The following TBCA variants were observed in gnomAD, a reference collection of about 807,000 sequenced individuals.
The protein encoded by TBCA is tubulin folding cofactor A, also known as tubulin-specific chaperone A.
Under a neutral mutation model 15.8 loss-of-function variants are expected in TBCA, and 6 were observed. That is an observed-to-expected ratio of 0.38 (90% CI 0.21 to 0.75). TBCA has a LOEUF of 0.75. TBCA is among the 30% of genes least tolerant of loss of function. The probability of loss-of-function intolerance (pLI) is 0.46; values close to 1 mark genes in which losing one functional copy is unlikely to be tolerated. For synonymous variants in TBCA, 32 were observed against 42.3 expected, an observed-to-expected ratio of 0.76 and a Z score of 0.94; for missense variants, 90 against 131.2, an observed-to-expected ratio of 0.69 and a Z score of 1.53.
intron 1 of TBCA, among the ~76,000 whole-genome samples, chr5:77,763,047 T>A (rs1341597806): frequency 6.6e-6 from 1 of 152,052 alleles, no homozygotes; most frequent in African/African-American, 2.4e-5. Context: ...ATAGAGACCA[T>A]CCTGGATAAC....
chr5:77,692,521 G>A (rs1237731885), intron 3 of TBCA: 8 of 949,828 alleles, frequency 8.4e-6, no homozygotes, highest in Admixed American at 6.2e-5. Flanking sequence ...CTCCTGACTC[G>A]TGATCCACCC....
chr5:77,776,239 T>C lies in TBCA; in HGVS notation c.19A>G (p.Arg7Gly). 3 of 1,579,254 alleles carry C rather than the reference T, an allele frequency of 1.9e-6. No homozygotes were observed. The highest frequency in any genetic ancestry group is 2.6e-6 in the Non-Finnish European group (3 of 1,163,538). ...ACGCCGGTCTTGATCTTGATCTGTC[T>C]CACGCGAGGATCGGCCATGGTCCCT... The part of the protein sequence containing the change: MADPRV[R>G]QIKIKTGVVK... The change falls in exon 1 of 4, where the codon AGA (arginine) becomes GGA (glycine). Residue 7 changes from arginine (R) to glycine (G), a missense_variant. By Grantham distance (125) the Arg-to-Gly change is moderately radical. Coordinates refer to ENST00000380377, the MANE Select transcript of TBCA (RefSeq NM_004607.3).
chr5:77,732,752 G>A (rs1746803710), intron 1 of TBCA, among the ~76,000 whole-genome samples: 1 of 151,888 alleles, frequency 6.6e-6, no homozygotes, highest in Non-Finnish European at 1.5e-5. Flanking sequence ...TGTTACTATT[G>A]TTAATTGTTT....
chr5:77,775,573 A>C (rs1267239138), intron 1 of TBCA, among the ~76,000 whole-genome samples: 1 of 152,240 alleles, frequency 6.6e-6, no homozygotes, highest in African/African-American at 2.4e-5. Context: ...TCTGGTTCAC[A>C]AGTTATTTAA....
chr5:77,700,046 A>G (rs898415681), intron 2 of TBCA, among the ~76,000 whole-genome samples: 13 of 146,078 alleles, frequency 8.9e-5, no homozygotes, highest in African/African-American at 3.0e-4. Context: ...AAAAAAAAAA[A>G]AAAAGAAAAT....
At chr5:77,726,536 TA>T (rs1319928337) in intron 1 of TBCA, among the ~76,000 whole-genome samples, 1 of 152,116 alleles carries the variant, frequency 6.6e-6, no homozygotes, top group African/African-American at 2.4e-5. Context: ...AAACCTCTAT[TA>T]AAAAAATACT....
intron 1 of TBCA, among the ~76,000 whole-genome samples, chr5:77,745,940 G>A (rs1747175067): frequency 6.6e-6 from 1 of 152,202 alleles, no homozygotes; most frequent in Admixed American, 6.5e-5. Flanking sequence ...AATTAAAAGT[G>A]TAAGAAAGAT....
chr5:77,733,329 G>T (rs926200810), intron 1 of TBCA, among the ~76,000 whole-genome samples: 1 of 152,220 alleles, frequency 6.6e-6, no homozygotes, highest in Admixed American at 6.5e-5. Flanking sequence ...GGAAAGGCAT[G>T]TGGAAAGCCA....
chr5:77,734,738 G>A (rs747717612), intron 1 of TBCA, among the ~76,000 whole-genome samples: 11 of 152,184 alleles, frequency 7.2e-5, no homozygotes, highest in African/African-American at 2.4e-4. Context: ...GAAGTTCTAC[G>A]TGAGTAAAAG....
In TBCA at chr5:77,711,972, GA is replaced by G. The variant is rs1209190062; in HGVS notation, c.54-3626del. On this transcript the variant is annotated intron_variant, in intron 1 of 3. Transcript: ENST00000380377. Reference sequence around the variant, plus strand: ...GAATAGCATGTGTTGCCCTGAAAAAGAAAAAAAAAAAATCAGTCAGTTAGTG... The same window carrying G: ...GAATAGCATGTGTTGCCCTGAAAAAGAAAAAAAAAAATCAGTCAGTTAGTG... Among the ~76,000 whole-genome samples, 744 of 134,730 alleles carry G rather than the reference GA, an allele frequency of 5.5e-3. 3 individuals carry two copies. The highest frequency in any genetic ancestry group is 0.012 in the East Asian group (56 of 4,700). 88.4% of individuals were successfully genotyped at this position (134,730 alleles called of 152,430 possible).
At chr5:77,745,566 T>C (rs1306857818) in intron 1 of TBCA, among the ~76,000 whole-genome samples, 1 of 152,186 alleles carries the variant, frequency 6.6e-6, no homozygotes, top group Non-Finnish European at 1.5e-5. Context: ...TAAGCTAGGG[T>C]GTATCATGAA....
intron 1 of TBCA, among the ~76,000 whole-genome samples, chr5:77,735,984 T>C (rs1746892602): frequency 1.3e-5 from 2 of 152,182 alleles, no homozygotes; most frequent in African/African-American, 2.4e-5. Context: ...AACCCCTTAC[T>C]ATGTAGCACT....
At chr5:77,704,249 C>A (rs13174129) in intron 2 of TBCA, among the ~76,000 whole-genome samples, 16,262 of 152,162 alleles carry the variant, frequency 0.11, 932 homozygotes, top group Middle Eastern at 0.13. Context: ...GGATTACAGA[C>A]GTGAGCCACT....
chr5:77,710,476 C>A (rs544526277), intron 1 of TBCA, among the ~76,000 whole-genome samples: 17 of 152,042 alleles, frequency 1.1e-4, no homozygotes, highest in Non-Finnish European at 2.2e-4. Context: ...AAATTGCCAG[C>A]CTGCTTAAAT....
intron 1 of TBCA, among the ~76,000 whole-genome samples, chr5:77,752,154 C>T (rs762641484): frequency 1.3e-5 from 2 of 152,168 alleles, no homozygotes; most frequent in Non-Finnish European, 2.9e-5. Flanking sequence ...GTTATTTTTA[C>T]AATCCATTAT....
At chr5:77,760,560 T>C (rs1368722636) in intron 1 of TBCA, among the ~76,000 whole-genome samples, 2 of 152,152 alleles carry the variant, frequency 1.3e-5, no homozygotes, top group Non-Finnish European at 2.9e-5. Context: ...GTGCCTAGGA[T>C]TACAGGCACG....
intron 1 of TBCA, among the ~76,000 whole-genome samples, chr5:77,708,886 A>C (rs999989249): frequency 6.6e-6 from 1 of 152,090 alleles, no homozygotes; most frequent in African/African-American, 2.4e-5. Flanking sequence ...TGAAATTCTT[A>C]ATTTTTAAAT....
intron 1 of TBCA, among the ~76,000 whole-genome samples, chr5:77,758,778 G>A (rs1364720188): frequency 6.6e-6 from 1 of 152,170 alleles, no homozygotes; most frequent in Admixed American, 6.5e-5. Flanking sequence ...TCTTCCAGTG[G>A]AATGCCCCCA....
rs553975687 is a variant in TBCA, at chr5:77,704,231, A to T, written c.159+4011T>A. ...GTGATCTACCCAGCTTGGCCTCCCA[A>T]AGGGCTAGGATTACAGACGTGAGCC... is the stretch of plus-strand genomic sequence containing the variant. On this transcript the variant is annotated intron_variant, in intron 2 of 3. Transcript: ENST00000380377. Among the ~76,000 whole-genome samples the T allele has an allele frequency of 5.3e-5, 8 of 152,258 alleles. No homozygotes were observed. In the East Asian group the frequency reaches 1.2e-3, roughly 22 times the overall value.
Sources: gnomAD v4.1 joint callset for allele counts (sites outside exome capture counted in the v4.1 genomes callset) on GRCh38, gnomAD v4.1.1 for gene constraint, MANE v1.5 for transcripts, NCBI Gene and HGNC (gene_info 2026-07-23, HGNC 2026-07-21) for gene names.